NRG1: variants seen among roughly 807,000 people sequenced by gnomAD.
NRG1 encodes the protein neuregulin 1.
A neutral mutation model predicts 63.8 loss-of-function variants in NRG1; 18 were observed. The observed-to-expected ratio is 0.28, with a 90% CI of 0.19 to 0.42. The LOEUF is 0.42. Among genes scored for constraint, NRG1 ranks in the 10% least tolerant of loss-of-function variants. The pLI, the probability that NRG1 is intolerant of heterozygous loss-of-function variation, is 1.00. For synonymous variants in NRG1, 302 were observed against 301.3 expected, an observed-to-expected ratio of 1.00 and a Z score of -0.02; for missense variants, 762 against 814.7, an observed-to-expected ratio of 0.94 and a Z score of 0.79.
At chr8:32,242,675 CCT>C (rs1227940436) in intron 1 of NRG1, among the ~76,000 whole-genome samples, 6 of 152,054 alleles carry the variant, frequency 3.9e-5, no homozygotes, top group African/African-American at 1.4e-4. Context: ...CAGCAGATGT[CCT>C]CTGAATCAGA....
At chr8:32,758,444 G>T (rs1367481160) in intron 9 of NRG1, among the ~76,000 whole-genome samples, 1 of 151,934 alleles carries the variant, frequency 6.6e-6, no homozygotes, top group African/African-American at 2.4e-5. Flanking sequence ...GGGCATGGTG[G>T]CATATGCCTG....
chr8:32,666,773 A>C lies in NRG1; in HGVS notation c.502+49888A>C, dbSNP rs143692408. The stretch of plus-strand genomic sequence containing the variant: ...ACATGAAACTCTGTACCCATTGAAC[A>C]ACAACTCCTGGTTTTCCCCACCCTC... On this transcript the variant is annotated intron_variant, in intron 5 of 11. Coordinates refer to ENST00000356819, the Ensembl canonical transcript of NRG1. Among the ~76,000 whole-genome samples, 510 of 152,296 alleles carry C rather than the reference A, an allele frequency of 3.3e-3. 3 individuals carry two copies. The highest frequency in any genetic ancestry group is 0.012 in the African/African-American group (495 of 41,572).
chr8:32,258,024 T>C (rs947811706), intron 1 of NRG1, among the ~76,000 whole-genome samples: 3 of 152,196 alleles, frequency 2.0e-5, no homozygotes, highest in Non-Finnish European at 4.4e-5. Context: ...TCTTGCCCAG[T>C]TTATGGTTTC....
chr8:32,760,189 TTCCTCCGCAGC>T lies in NRG1; in HGVS notation c.1053-9_1054del. The T allele has an allele frequency of 6.2e-7, 1 of 1,613,790 alleles. No individual in the cohort carries two copies. Among genetic ancestry groups the T allele is most frequent in the Non-Finnish European group, 8.5e-7 (1 of 1,179,842 alleles). ...CGAAATATCTGATTGTCTCTCCCATTTCCTCCGCAGCTGGAGCAACGGACACACTGAAAGCA... is the reference window on the plus strand; with the variant it reads ...CGAAATATCTGATTGTCTCTCCCATTTGGAGCAACGGACACACTGAAAGCA... On this transcript the variant is annotated splice_acceptor_variant and splice_polypyrimidine_tract_variant and coding_sequence_variant and intron_variant, in exon 11 of 12. Transcript: ENST00000356819. LOFTEE classifies it high-confidence loss of function.
At chr8:32,241,756 ATT>A (rs767301896) in intron 1 of NRG1, among the ~76,000 whole-genome samples, 4 of 144,110 alleles carry the variant, frequency 2.8e-5, no homozygotes, top group Non-Finnish European at 3.1e-5. Flanking sequence ...CAAATGCCAC[ATT>A]TTTTTTTTTT....
chr8:31,807,105 A>C (rs1361160322), intron 1 of NRG1, among the ~76,000 whole-genome samples: 1 of 152,196 alleles, frequency 6.6e-6, no homozygotes. Context: ...TTCTGAGTAG[A>C]CACTTTAACT....
intron 1 of NRG1, among the ~76,000 whole-genome samples, chr8:31,898,497 T>C (rs1831791815): frequency 6.6e-6 from 1 of 152,150 alleles, no homozygotes; most frequent in Non-Finnish European, 1.5e-5. Context: ...AAGATTTTCT[T>C]ATTCCAAAAT....
At chr8:31,859,262 A>T (rs1828245182) in intron 1 of NRG1, among the ~76,000 whole-genome samples, 1 of 152,220 alleles carries the variant, frequency 6.6e-6, no homozygotes, top group Non-Finnish European at 1.5e-5. Flanking sequence ...TGCCTTGAGT[A>T]TATGAAGCTA....
chr8:32,301,027 G>A (rs2129475125), intron 1 of NRG1, among the ~76,000 whole-genome samples: 1 of 152,240 alleles, frequency 6.6e-6, no homozygotes, highest in East Asian at 1.9e-4. Flanking sequence ...CCTCCATGAT[G>A]CAATTCTGTA....
At chr8:32,580,377 A>G (rs1380930826) in intron 1 of NRG1, among the ~76,000 whole-genome samples, 3 of 149,466 alleles carry the variant, frequency 2.0e-5, no homozygotes, top group Non-Finnish European at 4.4e-5. Flanking sequence ...GCAGTTATTT[A>G]AAAACTTTGT....
chr8:32,173,648 C>T (rs958646823), intron 1 of NRG1, among the ~76,000 whole-genome samples: 2 of 152,102 alleles, frequency 1.3e-5, no homozygotes, highest in Non-Finnish European at 2.9e-5. Context: ...GGAGGAAGAT[C>T]TACCAAACAA....
At chr8:31,667,633 G>A (rs915400163) in intron 1 of NRG1, among the ~76,000 whole-genome samples, 3 of 152,172 alleles carry the variant, frequency 2.0e-5, no homozygotes, top group Non-Finnish European at 4.4e-5. Flanking sequence ...GGTAAGAGGT[G>A]AGGCTGCAGA....
chr8:31,990,296 C>G (rs543650443), intron 1 of NRG1, among the ~76,000 whole-genome samples: 1 of 152,204 alleles, frequency 6.6e-6, no homozygotes, highest in Non-Finnish European at 1.5e-5. Flanking sequence ...GAAATACCCA[C>G]TCTAGATTGC....
intron 1 of NRG1, among the ~76,000 whole-genome samples, chr8:32,222,034 T>TATACACACAC (rs1554658204): frequency 0.014 from 2,069 of 148,684 alleles, 52 homozygotes; most frequent in African/African-American, 0.049. Context: ...GAAACATACA[T>TATACACACAC]ACACACACAC....
At chr8:31,956,058 A>C (rs989621870) in intron 1 of NRG1, among the ~76,000 whole-genome samples, 1 of 151,618 alleles carries the variant, frequency 6.6e-6, no homozygotes, top group African/African-American at 2.4e-5. Flanking sequence ...AAAAAACAAA[A>C]AAACAAAAAA....
chr8:32,458,021 G>A (rs1452601074), intron 1 of NRG1, among the ~76,000 whole-genome samples: 1 of 151,914 alleles, frequency 6.6e-6, no homozygotes, highest in African/African-American at 2.4e-5. Flanking sequence ...GAATTCAAGC[G>A]ATTCTCCTGT....
At chr8:32,594,873 A>G (rs1291249669) in intron 1 of NRG1, among the ~76,000 whole-genome samples, 1 of 152,212 alleles carries the variant, frequency 6.6e-6, no homozygotes, top group Non-Finnish European at 1.5e-5. Flanking sequence ...CTGTAGGTCC[A>G]GTCAAAGAGT....
intron 1 of NRG1, among the ~76,000 whole-genome samples, chr8:31,914,196 A>G (rs1473741304): frequency 6.6e-6 from 1 of 152,168 alleles, no homozygotes; most frequent in Non-Finnish European, 1.5e-5. Flanking sequence ...ACGTGGATAG[A>G]GAATTCTATG....
At chr8:32,038,594 A>G (rs1819447157) in intron 1 of NRG1, among the ~76,000 whole-genome samples, 1 of 152,090 alleles carries the variant, frequency 6.6e-6, no homozygotes, top group Admixed American at 6.5e-5. Context: ...AGTATTTAAA[A>G]AGTGTTTAAA....
Sources: gnomAD v4.1 joint callset for allele counts (sites outside exome capture counted in the v4.1 genomes callset) on GRCh38, gnomAD v4.1.1 for gene constraint, MANE v1.5 for transcripts, NCBI Gene and HGNC (gene_info 2026-07-23, HGNC 2026-07-21) for gene names.